The following SCLT1 variants were observed in gnomAD, a reference collection of about 807,000 sequenced individuals.
SCLT1 encodes the protein sodium channel and clathrin linker 1.
A neutral mutation model predicts 112.8 loss-of-function variants in SCLT1; 78 were observed. The ratio of observed to expected loss-of-function variants is 0.69; its 90% CI spans 0.58 to 0.83. The LOEUF is 0.83. Among genes scored for constraint, SCLT1 ranks in the 40% least tolerant of loss-of-function variants. SCLT1 has a pLI of 0.00. For synonymous variants in SCLT1, 257 were observed against 254.7 expected (o/e 1.01, Z -0.09); for missense variants, 747 against 770.4 (o/e 0.97, Z 0.36).
intron 18 of SCLT1, among the ~76,000 whole-genome samples, chr4:128,903,622 C>T (rs1198914404): frequency 2.0e-5 from 3 of 152,060 alleles, no homozygotes; most frequent in South Asian, 4.1e-4. Flanking sequence ...CTAAGAAAAG[C>T]TTATTTTTCA....
At chr4:129,048,252 A>G (rs1236167395) in intron 2 of SCLT1, among the ~76,000 whole-genome samples, 3 of 152,166 alleles carry the variant, frequency 2.0e-5, no homozygotes, top group Non-Finnish European at 4.4e-5. Flanking sequence ...CAGAAACCAA[A>G]ACAGCATGGT....
At chr4:129,041,327 T>G (rs1747678203) in intron 4 of SCLT1, among the ~76,000 whole-genome samples, 1 of 152,186 alleles carries the variant, frequency 6.6e-6, no homozygotes, top group Non-Finnish European at 1.5e-5. Flanking sequence ...GACACTATAA[T>G]TTTAATGAAA....
chr4:129,068,011 T>C (rs921211487), intron 2 of SCLT1, among the ~76,000 whole-genome samples: 14 of 152,066 alleles, frequency 9.2e-5, no homozygotes, highest in African/African-American at 1.4e-4. Flanking sequence ...TCCACCTGAG[T>C]CCCCAAAGTC....
intron 18 of SCLT1, among the ~76,000 whole-genome samples, chr4:128,912,106 T>G (rs1201495009): frequency 2.6e-5 from 4 of 152,170 alleles, no homozygotes; most frequent in Admixed American, 6.5e-5. Context: ...TATAATGCTG[T>G]GGTATATATA....
At chr4:128,893,229 G>A (rs1372596636) in intron 18 of SCLT1, among the ~76,000 whole-genome samples, 2 of 152,202 alleles carry the variant, frequency 1.3e-5, no homozygotes, top group Non-Finnish European at 2.9e-5. Flanking sequence ...CAATCTTAAT[G>A]ATGGATAGTA....
intron 13 of SCLT1, 105 bp from the exon 14 acceptor site, chr4:128,952,945 T>A (rs1292413849): frequency 4.6e-5 from 31 of 678,894 alleles, no homozygotes; most frequent in Non-Finnish European, 7.8e-5. Context: ...AAATTGTAAC[T>A]TTTAGGGCAT....
chr4:129,025,645 C>G (rs901447740), intron 5 of SCLT1, among the ~76,000 whole-genome samples: 53 of 152,194 alleles, frequency 3.5e-4, no homozygotes, highest in African/African-American at 1.3e-3. Flanking sequence ...CATAAACTAA[C>G]GAGCAAAATA....
At chr4:129,075,540 C>T (rs1351920753) in intron 2 of SCLT1, among the ~76,000 whole-genome samples, 1 of 152,068 alleles carries the variant, frequency 6.6e-6, no homozygotes, top group African/African-American at 2.4e-5. Flanking sequence ...AATACAAAAG[C>T]TTCAAGCATA....
intron 18 of SCLT1, among the ~76,000 whole-genome samples, chr4:128,914,007 C>G (rs1735285757): frequency 6.6e-6 from 1 of 152,180 alleles, no homozygotes; most frequent in South Asian, 2.1e-4. Context: ...AAGTGACTAG[C>G]TGGCTTACTA....
intron 18 of SCLT1, among the ~76,000 whole-genome samples, chr4:128,929,419 C>T (rs1162866098): frequency 2.0e-5 from 3 of 152,094 alleles, no homozygotes; most frequent in Admixed American, 2.0e-4. Flanking sequence ...AGAATTCAAA[C>T]TAAAATTCCA....
intron 5 of SCLT1, among the ~76,000 whole-genome samples, chr4:129,034,648 T>C (rs1373124450): frequency 6.6e-6 from 1 of 151,808 alleles, no homozygotes; most frequent in Non-Finnish European, 1.5e-5. Context: ...TTAGTGACTG[T>C]TAAAGACCAG....
chr4:129,089,005 G>A (rs551111630), intron 1 of SCLT1, among the ~76,000 whole-genome samples: 1 of 151,930 alleles, frequency 6.6e-6, no homozygotes, highest in Non-Finnish European at 1.5e-5. Context: ...TGACAAATAG[G>A]GTCTAATTAA....
At chr4:128,928,806 C>T (rs954555975) in intron 18 of SCLT1, among the ~76,000 whole-genome samples, 96 of 149,384 alleles carry the variant, frequency 6.4e-4, no homozygotes, top group African/African-American at 2.3e-3. Context: ...CACTCCAGCC[C>T]GGGAAACAAG....
intron 18 of SCLT1, among the ~76,000 whole-genome samples, chr4:128,916,347 A>C (rs1735472023): frequency 6.6e-6 from 1 of 152,236 alleles, no homozygotes; most frequent in Non-Finnish European, 1.5e-5. Flanking sequence ...TTTAACACAA[A>C]AATGACATTA....
intron 2 of SCLT1, among the ~76,000 whole-genome samples, chr4:129,067,483 C>T (rs1345193226): frequency 6.6e-6 from 1 of 151,552 alleles, no homozygotes; most frequent in African/African-American, 2.4e-5. Flanking sequence ...AGACTACTAA[C>T]AATAGTTTAT....
At chr4:129,012,293 G>A (rs1005971641) in intron 5 of SCLT1, among the ~76,000 whole-genome samples, 2 of 152,046 alleles carry the variant, frequency 1.3e-5, no homozygotes, top group East Asian at 1.9e-4. Context: ...TTACCCAAAC[G>A]TCATTCAGGA....
At position 129,019,285 on chromosome 4, in the gene SCLT1, G is replaced by C. The variant is rs1745246275; in HGVS notation, c.291-15409C>G. On this transcript the variant is annotated intron_variant, in intron 5 of 20. Transcript: ENST00000281142. ...GTTGGCAAAGATCATCTTTATAAAA[G>C]TTTTGATCTTTTAGGTGACAAAGAT... Among the ~76,000 whole-genome samples the C allele has an allele frequency of 1.3e-5, 2 of 152,104 alleles. 1 individual carries two copies. Among genetic ancestry groups the C allele is most frequent in the South Asian group, 4.1e-4 (2 of 4,826 alleles).
chr4:129,021,132 T>C (rs280594), intron 5 of SCLT1, among the ~76,000 whole-genome samples: 87,029 of 151,868 alleles, frequency 0.57, 26,475 homozygotes, highest in South Asian at 0.68. Flanking sequence ...GGTGTCGCTT[T>C]ACCCAGGAAG....
downstream of SCLT1, among the ~76,000 whole-genome samples, chr4:128,881,724 T>C (rs1429076737): frequency 6.6e-6 from 1 of 152,182 alleles, no homozygotes; most frequent in Non-Finnish European, 1.5e-5. Context: ...AATGATACTA[T>C]TTGTATCATT....
Sources: gnomAD v4.1 joint callset for allele counts (sites outside exome capture counted in the v4.1 genomes callset) on GRCh38, gnomAD v4.1.1 for gene constraint, MANE v1.5 for transcripts, NCBI Gene and HGNC (gene_info 2026-07-23, HGNC 2026-07-21) for gene names.